Variants in RBFOX1 observed in about 807,000 individuals in gnomAD.
The protein encoded by RBFOX1 is RNA binding fox-1 homolog 1, also known as RNA binding protein fox-1 homolog 1.
RBFOX1 carries 8 observed loss-of-function variants against 57.7 expected under a neutral mutation model. That is an observed-to-expected ratio of 0.14 (90% CI 0.08 to 0.25). The LOEUF (loss-of-function observed/expected upper bound fraction) is 0.25, where lower values mean the gene tolerates loss of function less well. Among genes scored for constraint, RBFOX1 ranks in the 10% least tolerant of loss-of-function variants. The probability of loss-of-function intolerance (pLI) is 1.00; values close to 1 mark genes in which losing one functional copy is unlikely to be tolerated. For synonymous variants in RBFOX1, 326 were observed against 222.4 expected, an observed-to-expected ratio of 1.47 and a Z score of -4.15; for missense variants, 611 against 548.5, an observed-to-expected ratio of 1.11 and a Z score of -1.14.
At chr16:5,447,698 C>T (rs551916347) in intron 1 of RBFOX1, among the ~76,000 whole-genome samples, 1 of 152,304 alleles carries the variant, frequency 6.6e-6, no homozygotes, top group East Asian at 1.9e-4. Context: ...GCCCGGCTGC[C>T]ATTCTCTCTT....
chr16:5,774,797 C>G (rs1308564708), intron 3 of RBFOX1, among the ~76,000 whole-genome samples: 1 of 152,194 alleles, frequency 6.6e-6, no homozygotes, highest in East Asian at 1.9e-4. Flanking sequence ...ATTCTCCTGC[C>G]TCAGCCTACC....
chr16:6,168,288 A>C (rs1029395556), intron 1 of RBFOX1, among the ~76,000 whole-genome samples: 2 of 152,210 alleles, frequency 1.3e-5, no homozygotes, highest in African/African-American at 4.8e-5. Flanking sequence ...TTCAGGCCCC[A>C]GTGGGCGATT....
intron 3 of RBFOX1, among the ~76,000 whole-genome samples, chr16:6,817,675 C>A (rs144486979): frequency 1.3e-5 from 2 of 151,930 alleles, no homozygotes; most frequent in African/African-American, 2.4e-5. Flanking sequence ...TGCACTCCAG[C>A]CTGGGCGACA....
At chr16:7,623,747 T>G (rs1245736180) in intron 10 of RBFOX1, among the ~76,000 whole-genome samples, 1 of 152,148 alleles carries the variant, frequency 6.6e-6, no homozygotes. Flanking sequence ...AAGTCTGAGA[T>G]CATGGTGTTG....
chr16:5,375,258 A>G (rs1199772466), intron 1 of RBFOX1, among the ~76,000 whole-genome samples: 1 of 152,140 alleles, frequency 6.6e-6, no homozygotes, highest in Non-Finnish European at 1.5e-5. Flanking sequence ...AAATCAATTG[A>G]CCATGGAAGC....
chr16:7,313,960 C>T (rs1433452308), intron 4 of RBFOX1, among the ~76,000 whole-genome samples: 4 of 152,156 alleles, frequency 2.6e-5, no homozygotes, highest in Non-Finnish European at 5.9e-5. Context: ...ATGGAGTGGG[C>T]CTCTTTTCCT....
At chr16:6,971,245 G>C (rs2085470361) in intron 3 of RBFOX1, among the ~76,000 whole-genome samples, 1 of 152,172 alleles carries the variant, frequency 6.6e-6, no homozygotes, top group Non-Finnish European at 1.5e-5. Flanking sequence ...AATTGTTATG[G>C]GGATGGGATT....
chr16:6,202,866 C>A (rs2097224106), intron 1 of RBFOX1, among the ~76,000 whole-genome samples: 1 of 152,112 alleles, frequency 6.6e-6, no homozygotes, highest in Non-Finnish European at 1.5e-5. Context: ...GAGCTCACGG[C>A]AGCTCAAATA....
At chr16:5,311,146 C>G (rs1013814870) in intron 1 of RBFOX1, among the ~76,000 whole-genome samples, 3 of 152,182 alleles carry the variant, frequency 2.0e-5, no homozygotes, top group Non-Finnish European at 2.9e-5. Flanking sequence ...CTAGCTCCAT[C>G]CAAGTTGCTG....
At chr16:7,501,986 C>T (rs1057246874) in intron 4 of RBFOX1, among the ~76,000 whole-genome samples, 2 of 152,176 alleles carry the variant, frequency 1.3e-5, no homozygotes, top group Non-Finnish European at 2.9e-5. Flanking sequence ...GAAACAATTG[C>T]GTGAGTATCA....
intron 2 of RBFOX1, among the ~76,000 whole-genome samples, chr16:6,364,068 C>T (rs1258892076): frequency 2.0e-5 from 3 of 152,200 alleles, no homozygotes; most frequent in African/African-American, 4.8e-5. Context: ...TGGCACAAAG[C>T]CATTGGAAGG....
chr16:6,806,827 T>TATATATAA (rs2086910338), intron 3 of RBFOX1, among the ~76,000 whole-genome samples: 3 of 77,954 alleles, frequency 3.8e-5, no homozygotes, highest in Admixed American at 1.5e-4. Flanking sequence ...AATATATATA[T>TATATATAA]ATATATATAT....
At chr16:6,933,335 A>G (rs775250300) in intron 3 of RBFOX1, among the ~76,000 whole-genome samples, 7 of 152,232 alleles carry the variant, frequency 4.6e-5, no homozygotes, top group Non-Finnish European at 8.8e-5. Flanking sequence ...GTAGCACTGC[A>G]TCATTTTGCA....
At chr16:5,693,860 C>G (rs2050768995) in intron 3 of RBFOX1, among the ~76,000 whole-genome samples, 1 of 152,142 alleles carries the variant, frequency 6.6e-6, no homozygotes, top group Admixed American at 6.5e-5. Context: ...TTTTCCTGAT[C>G]TAGAGAAGGT....
chr16:5,321,391 C>T (rs1320100418), intron 1 of RBFOX1, among the ~76,000 whole-genome samples: 1 of 151,416 alleles, frequency 6.6e-6, no homozygotes, highest in Non-Finnish European at 1.5e-5. Context: ...GAAGTCTCAG[C>T]TTACTGCCAG....
chr16:6,572,686 G>C (rs1375187217), intron 2 of RBFOX1, among the ~76,000 whole-genome samples: 3 of 151,776 alleles, frequency 2.0e-5, no homozygotes, highest in Non-Finnish European at 4.4e-5. Flanking sequence ...TCTGCCTCCC[G>C]GGCTCAAGCG....
chr16:6,064,673 T>C (rs575973399), intron 1 of RBFOX1, among the ~76,000 whole-genome samples: 1 of 152,278 alleles, frequency 6.6e-6, no homozygotes, highest in African/African-American at 2.4e-5. Flanking sequence ...CCCAAGTAGC[T>C]GAGACTACAG....
intron 1 of RBFOX1, among the ~76,000 whole-genome samples, chr16:5,455,785 T>C (rs2068612505): frequency 6.6e-6 from 1 of 152,122 alleles, no homozygotes; most frequent in African/African-American, 2.4e-5. Flanking sequence ...AGAAGTGAAA[T>C]GCAGGGTGAA....
intron 4 of RBFOX1, among the ~76,000 whole-genome samples, chr16:7,131,473 A>G (rs2070384008): frequency 6.7e-6 from 1 of 149,004 alleles, no homozygotes; most frequent in Admixed American, 6.8e-5. Context: ...AGGTTTCATA[A>G]TCTCCATTTT....
Sources: gnomAD v4.1 joint callset for allele counts (sites outside exome capture counted in the v4.1 genomes callset) on GRCh38, gnomAD v4.1.1 for gene constraint, MANE v1.5 for transcripts, NCBI Gene and HGNC (gene_info 2026-07-23, HGNC 2026-07-21) for gene names.